The following CCDC62 variants were observed in gnomAD, a reference collection of about 807,000 sequenced individuals.
CCDC62 encodes the protein coiled-coil domain-containing protein 62.
Under a neutral mutation model 80.8 loss-of-function variants are expected in CCDC62, and 72 were observed. The ratio of observed to expected loss-of-function variants is 0.89; its 90% CI spans 0.74 to 1.08. The LOEUF (loss-of-function observed/expected upper bound fraction) is 1.08. Among genes scored for constraint, CCDC62 ranks in the 50% least tolerant of loss-of-function variants. The pLI, the probability that CCDC62 is intolerant of heterozygous loss-of-function variation, is 0.00. For synonymous variants in CCDC62, 286 were observed against 296.5 expected, an observed-to-expected ratio of 0.96 and a Z score of 0.36; for missense variants, 704 against 809.4, an observed-to-expected ratio of 0.87 and a Z score of 1.58.
intron 8 of CCDC62, among the ~76,000 whole-genome samples, chr12:122,800,709 G>A (rs1221015812): frequency 6.6e-6 from 1 of 152,158 alleles, no homozygotes; most frequent in Non-Finnish European, 1.5e-5. Context: ...TTACAGGCGT[G>A]AGCCACTGCA....
At chr12:122,778,762 C>G (rs997535470) in intron 2 of CCDC62, among the ~76,000 whole-genome samples, 1 of 151,496 alleles carries the variant, frequency 6.6e-6, no homozygotes, top group African/African-American at 2.4e-5. Context: ...GCCTGTAGTC[C>G]CAGCTACTCA....
intron 4 of CCDC62, among the ~76,000 whole-genome samples, chr12:122,787,186 G>T (rs2030307400): frequency 6.6e-6 from 1 of 152,154 alleles, no homozygotes; most frequent in African/African-American, 2.4e-5. Context: ...CGTGGCTCAT[G>T]CCTATAATCC....
At chr12:122,792,971 A>G (rs2030720374) in intron 6 of CCDC62, among the ~76,000 whole-genome samples, 1 of 152,148 alleles carries the variant, frequency 6.6e-6, no homozygotes, top group Non-Finnish European at 1.5e-5. Context: ...TCTTACTAAA[A>G]ACATAACATA....
At position 122,774,697 on chromosome 12, in the gene CCDC62, C is replaced by G. The variant is rs930695036; in HGVS notation, c.27C>G (p.Ala9=). The change falls in exon 1 of 13, where the codon GCC becomes GCG. Residue 9 remains alanine (A), a synonymous_variant. Transcript: ENST00000253079. MNPPAAFL[A]GRQNIGSEVE... ...TGAACCCTCCGGCAGCCTTCCTTGC[C>G]GGGCGCCAGGTAAGCAGCGGTTCCG... The G allele has an allele frequency of 1.6e-6, 2 of 1,256,940 alleles. No homozygotes were observed. Among genetic ancestry groups the G allele is most frequent in the Non-Finnish European group, 2.0e-6 (2 of 991,786 alleles). 77.9% of individuals were successfully genotyped at this position (1,256,940 alleles called of 1,614,324 possible). A position where few individuals can be genotyped will look rare whatever the true frequency, so the allele number is the denominator to read the frequency against.
chr12:122,782,160 C>A (rs1457796167), intron 3 of CCDC62, among the ~76,000 whole-genome samples: 1 of 152,050 alleles, frequency 6.6e-6, no homozygotes, highest in Non-Finnish European at 1.5e-5. Flanking sequence ...CATAGTGAGA[C>A]CTCATCTCAA....
chr12:122,809,928 C>A (rs2031795661), intron 10 of CCDC62, among the ~76,000 whole-genome samples: 1 of 152,110 alleles, frequency 6.6e-6, no homozygotes, highest in African/African-American at 2.4e-5. Context: ...AAAGGATTCC[C>A]TATTTAACAA....
chr12:122,825,086 CAAA>C (rs879280596), intron 12 of CCDC62, among the ~76,000 whole-genome samples: 1 of 107,062 alleles, frequency 9.3e-6, no homozygotes. Context: ...AACTCAGTCT[CAAA>C]AAAAAAAAGA....
chr12:122,820,083 AGAAG>A (rs796395097), intron 11 of CCDC62, among the ~76,000 whole-genome samples: 8 of 133,236 alleles, frequency 6.0e-5, no homozygotes, highest in African/African-American at 8.2e-5. Flanking sequence ...AAAAAAAAAA[AGAAG>A]AAGAAGAAAA....
At chr12:122,807,052 TGG>T (rs1248649646) in intron 10 of CCDC62, among the ~76,000 whole-genome samples, 1 of 151,782 alleles carries the variant, frequency 6.6e-6, no homozygotes, top group Non-Finnish European at 1.5e-5. Context: ...GACTAATGTG[TGG>T]TAAATGGGAT....
At chr12:122,812,777 GAGAA>G (rs71440217) in intron 10 of CCDC62, among the ~76,000 whole-genome samples, 2,579 of 57,648 alleles carry the variant, frequency 0.045, 113 homozygotes, top group South Asian at 0.14. Flanking sequence ...GAGAGAGAGA[GAGAA>G]AGAAAGAAAG....
chr12:122,812,006 G>A (rs944377651), intron 10 of CCDC62, among the ~76,000 whole-genome samples: 2 of 152,108 alleles, frequency 1.3e-5, no homozygotes, highest in Non-Finnish European at 2.9e-5. Context: ...TATTTTGCAA[G>A]TATTTTGACA....
chr12:122,793,268 A>T (rs2030740462), intron 6 of CCDC62, among the ~76,000 whole-genome samples: 1 of 151,968 alleles, frequency 6.6e-6, no homozygotes, highest in Non-Finnish European at 1.5e-5. Context: ...TAAAAGGGGG[A>T]CTGAGGGTAG....
At position 122,806,189 on chromosome 12, in the gene CCDC62, C is replaced by T. The variant is rs1230569020; in HGVS notation, c.1745C>T (p.Ser582Phe). ...IAIQDSHSLG[S>F]SKSALREDET... ...ATCCAAGATTCCCACTCTTTGGGTTCTTCAAAATCTGCCTTGAGAGAAGAT... is the reference window on the plus strand; with the variant it reads ...ATCCAAGATTCCCACTCTTTGGGTTTTTCAAAATCTGCCTTGAGAGAAGAT... Residue 582 changes from serine to phenylalanine, a missense_variant, in exon 10 of 13, where the codon TCT becomes TTT. Transcript: ENST00000253079. The T allele has an allele frequency of 1.2e-6, 2 of 1,613,604 alleles. No homozygotes were observed. The highest frequency in any genetic ancestry group is 1.3e-5 in the African/African-American group (1 of 74,908).
intron 11 of CCDC62, among the ~76,000 whole-genome samples, chr12:122,821,489 G>A (rs1223083824): frequency 6.6e-6 from 1 of 152,114 alleles, no homozygotes; most frequent in Non-Finnish European, 1.5e-5. Context: ...TCACTCTCTC[G>A]CTCAGGCTAG....
chr12:122,792,511 C>T (rs912969826), intron 6 of CCDC62, among the ~76,000 whole-genome samples: 2 of 150,862 alleles, frequency 1.3e-5, no homozygotes, highest in Non-Finnish European at 3.0e-5. Flanking sequence ...GGCGTGAGCC[C>T]GGCTTTTTTA....
intron 11 of CCDC62, among the ~76,000 whole-genome samples, chr12:122,814,505 T>C (rs2032083667): frequency 2.3e-5 from 1 of 43,596 alleles, no homozygotes; most frequent in Admixed American, 2.3e-4. Context: ...GGACTTTTAA[T>C]TTTTTTTTTT....
chr12:122,791,822 C>G (rs1373171523), intron 5 of CCDC62, among the ~76,000 whole-genome samples, 198 bp from the exon 6 acceptor site: 2 of 152,156 alleles, frequency 1.3e-5, no homozygotes, highest in Non-Finnish European at 2.9e-5. Context: ...GCAGGGAGGT[C>G]AGTCAGATGA....
intron 3 of CCDC62, among the ~76,000 whole-genome samples, chr12:122,784,954 C>T (rs564513900): frequency 4.4e-4 from 67 of 152,294 alleles, no homozygotes; most frequent in South Asian, 1.7e-3. Flanking sequence ...GCCCGGCCAA[C>T]GTGGCGAAAC....
intron 12 of CCDC62, 99 bp from the exon 13 acceptor site, chr12:122,826,323 T>G (rs1268122318): frequency 3.0e-6 from 2 of 672,604 alleles, no homozygotes; most frequent in Non-Finnish European, 2.7e-6. Flanking sequence ...AAAATCAGGA[T>G]GTAGAGTTAA....
Sources: allele counts gnomAD v4.1 joint callset (sites outside exome capture counted in the v4.1 genomes callset), GRCh38; gene constraint gnomAD v4.1.1; transcripts MANE v1.5; gene names NCBI Gene and HGNC (gene_info 2026-07-23, HGNC 2026-07-21).